Variants in POU2F2 observed in about 807,000 individuals in gnomAD.
POU2F2 encodes the protein POU domain, class 2, transcription factor 2.
A neutral mutation model predicts 63.5 loss-of-function variants in POU2F2; 14 were observed. The ratio of observed to expected loss-of-function variants is 0.22; its 90% CI spans 0.15 to 0.34. POU2F2 has a LOEUF of 0.34. Ranked by LOEUF, POU2F2 falls within the 10% of genes least tolerant of loss-of-function variation. POU2F2 has a pLI of 1.00. For missense variants in POU2F2, 607 were observed against 815.2 expected (o/e 0.74, Z 3.11); for synonymous variants, 306 against 348.6 (o/e 0.88, Z 1.36).
chr19:42,103,601 A>C (rs2077222525), intron 5 of POU2F2, among the ~76,000 whole-genome samples: 1 of 151,266 alleles, frequency 6.6e-6, no homozygotes, highest in African/African-American at 2.4e-5. Context: ...AAAATATATA[A>C]GCAATTCAAC....
At chr19:42,193,717 C>A (rs945919023) in intron 1 of POU2F2, among the ~76,000 whole-genome samples, 2 of 152,196 alleles carry the variant, frequency 1.3e-5, no homozygotes, top group African/African-American at 4.8e-5. Context: ...GACAGCCAAA[C>A]CCATGCATAC....
At chr19:42,189,261 C>T (rs1023770690) in intron 1 of POU2F2, among the ~76,000 whole-genome samples, 19 of 152,296 alleles carry the variant, frequency 1.2e-4, no homozygotes, top group African/African-American at 4.6e-4. Context: ...ACTGGATATG[C>T]TTCCATGAGA....
chr19:42,135,658 TA>T (rs918682950), upstream of POU2F2, among the ~76,000 whole-genome samples: 5 of 151,098 alleles, frequency 3.3e-5, no homozygotes, highest in East Asian at 1.9e-4. Flanking sequence ...TTTCCCCTTT[TA>T]AAAAAAATTA....
intron 2 of POU2F2, among the ~76,000 whole-genome samples, chr19:42,151,237 C>T (rs2034343012): frequency 6.6e-6 from 1 of 152,086 alleles, no homozygotes. Context: ...GGAGCATCGG[C>T]CTGACACTGG....
At chr19:42,143,605 C>T (rs2034172181) in intron 2 of POU2F2, among the ~76,000 whole-genome samples, 2 of 152,184 alleles carry the variant, frequency 1.3e-5, no homozygotes, top group African/African-American at 2.4e-5. Flanking sequence ...GCCAGCAAAG[C>T]GAGCCAGCTT....
rs181241598 is a variant in POU2F2 at position 42,117,668 on chromosome 19, A to C, written c.187-236T>G. Among the ~76,000 whole-genome samples, 19 of 152,148 alleles carry C rather than the reference A, an allele frequency of 1.2e-4. No individual in the cohort carries two copies. In the East Asian group the frequency reaches 3.5e-3, roughly 28 times the overall value. On this transcript the variant is annotated intron_variant, in intron 4 of 14. Transcript: ENST00000692977. The surrounding 1 kb of genome is among the most constrained non-coding windows in gnomAD (Gnocchi z 4.4). ...GAGCACTTTTCCCCTCCTGAGAGTCAGTTTTCCTGTCTGTAAAATGGAAAA... is the reference window on the plus strand; with the variant it reads ...GAGCACTTTTCCCCTCCTGAGAGTCCGTTTTCCTGTCTGTAAAATGGAAAA...
intron 1 of POU2F2, among the ~76,000 whole-genome samples, chr19:42,172,074 C>T (rs1014120301): frequency 6.6e-6 from 1 of 152,176 alleles, no homozygotes; most frequent in African/African-American, 2.4e-5. Flanking sequence ...CCAACCTCTA[C>T]TCTTAGACTA....
chr19:42,149,635 GGAAGAT>G (rs2034301213), intron 2 of POU2F2, among the ~76,000 whole-genome samples: 2 of 152,140 alleles, frequency 1.3e-5, no homozygotes, highest in Non-Finnish European at 2.9e-5. Flanking sequence ...GACAGAGACA[GGAAGAT>G]GCAGATAAAG....
chr19:42,143,937 T>C (rs1236045069), intron 2 of POU2F2, among the ~76,000 whole-genome samples: 2 of 152,200 alleles, frequency 1.3e-5, no homozygotes, highest in Non-Finnish European at 2.9e-5. Flanking sequence ...CACTTTTTGC[T>C]GTCTCACCTT....
At chr19:42,149,167 G>C (rs1017650486) in intron 2 of POU2F2, among the ~76,000 whole-genome samples, 1 of 152,134 alleles carries the variant, frequency 6.6e-6, no homozygotes, top group African/African-American at 2.4e-5. Flanking sequence ...TCGCTTTTCA[G>C]GGGAAACCAA....
At chr19:42,173,752 G>A (rs1488653512) in intron 1 of POU2F2, among the ~76,000 whole-genome samples, 1 of 152,074 alleles carries the variant, frequency 6.6e-6, no homozygotes, top group East Asian at 1.9e-4. Context: ...GCGCAACCAA[G>A]ACCCCCAAAG....
intron 1 of POU2F2, among the ~76,000 whole-genome samples, chr19:42,161,153 C>T (rs1474038592): frequency 1.3e-5 from 2 of 152,064 alleles, no homozygotes; most frequent in Non-Finnish European, 2.9e-5. Flanking sequence ...TCACAGAAGA[C>T]TTAGGGAGGA....
At chr19:42,098,412 CAAAAAAA>C (rs1218709430) in intron 7 of POU2F2, among the ~76,000 whole-genome samples, 1 of 56,348 alleles carries the variant, frequency 1.8e-5, no homozygotes, top group Admixed American at 2.0e-4. Flanking sequence ...GACTCCATCT[CAAAAAAA>C]AAAAAAAAAA....
chr19:42,147,052 C>CA (rs952230667), intron 2 of POU2F2, among the ~76,000 whole-genome samples: 16 of 152,302 alleles, frequency 1.1e-4, no homozygotes, highest in African/African-American at 3.8e-4. Flanking sequence ...CCTTGGCCCC[C>CA]AAAGGGGGTC....
At chr19:42,097,160 A>G (rs4802131) in intron 7 of POU2F2, among the ~76,000 whole-genome samples, 8,007 of 151,862 alleles carry the variant, frequency 0.053, 360 homozygotes, top group Admixed American at 0.14. Flanking sequence ...TTATTCTCCA[A>G]AATGCTGGGG....
Position 42,091,094 on chromosome 19 carries a change from C to CTTTTTTT in POU2F2, c.*156_*162dup, listed in dbSNP as rs60030513. 5.5e-6 allele frequency: 2 copies of CTTTTTTT among 361,096 alleles called. No individual in the cohort carries two copies. Among genetic ancestry groups the CTTTTTTT allele is most frequent in the Admixed American group, 5.1e-5 (1 of 19,730 alleles). The allele number at this position is 361,096 out of a possible 1,614,324, so 22.4% of individuals were successfully genotyped here. On this transcript the variant is annotated 3_prime_UTR_variant, in exon 15 of 15. Transcript: ENST00000692977. ...TCTCTTTTGTTGGTTAGTTTCTTTCCTTTTTTTTTTTTTTTTTGGTTGGTT... is the reference window on the plus strand; with the variant it reads ...TCTCTTTTGTTGGTTAGTTTCTTTCCTTTTTTTTTTTTTTTTTTTTTTTTGGTTGGTT...
At chr19:42,191,250 C>T (rs1432526914) in intron 1 of POU2F2, among the ~76,000 whole-genome samples, 1 of 152,140 alleles carries the variant, frequency 6.6e-6, no homozygotes, top group Non-Finnish European at 1.5e-5. Context: ...CTAAAAGAAG[C>T]ACCAGCAGGG....
At chr19:42,112,392 C>T (rs2031244652) in intron 5 of POU2F2, among the ~76,000 whole-genome samples, 1 of 152,120 alleles carries the variant, frequency 6.6e-6, no homozygotes, top group Admixed American at 6.5e-5. Context: ...TTTATTGAGA[C>T]AGAGTCTCAC....
In POU2F2 at chr19:42,090,851, C is replaced by T. The variant is rs1261263843; in HGVS notation, c.*406G>A. Reference sequence around the variant, plus strand: ...CAGCCAGGGCTCGGTGGCATGAGGTCTGACCTGCTGGAGGCTTCTCCGCCC... The same window carrying T: ...CAGCCAGGGCTCGGTGGCATGAGGTTTGACCTGCTGGAGGCTTCTCCGCCC... On this transcript the variant is annotated 3_prime_UTR_variant, in exon 15 of 15. Coordinates refer to ENST00000692977, the MANE Select transcript of POU2F2 (RefSeq NM_001394376.1). The surrounding 1 kb of genome is among the most constrained non-coding windows in gnomAD (Gnocchi z 4.4). The T allele has an allele frequency of 6.2e-6, 1 of 162,404 alleles. No homozygotes were observed. Among genetic ancestry groups the T allele is most frequent in the Admixed American group, 6.0e-5 (1 of 16,622 alleles). 10.1% of individuals were successfully genotyped at this position (162,404 alleles called of 1,614,324 possible).
Sources: allele counts gnomAD v4.1 joint callset (sites outside exome capture counted in the v4.1 genomes callset), GRCh38; gene constraint gnomAD v4.1.1; non-coding constraint Gnocchi (gnomAD v3.1); transcripts MANE v1.5; gene names NCBI Gene and HGNC (gene_info 2026-07-23, HGNC 2026-07-21).